CUBN: variants seen among roughly 807,000 people sequenced by gnomAD.
CUBN encodes 460 kDa receptor.
Under a neutral mutation model 405.3 loss-of-function variants are expected in CUBN, and 282 were observed. The observed-to-expected ratio is 0.70, with a 90% CI of 0.63 to 0.77. The LOEUF (loss-of-function observed/expected upper bound fraction) is 0.77. CUBN is among the 30% of genes least tolerant of loss of function. The pLI, the probability that CUBN is intolerant of heterozygous loss-of-function variation, is 0.00. For missense variants in CUBN, 4,514 were observed against 4,475.2 expected, an observed-to-expected ratio of 1.01 and a Z score of -0.25; for synonymous variants, 1,684 against 1,617.0, an observed-to-expected ratio of 1.04 and a Z score of -0.99.
At chr10:16,884,518 T>A (rs1840756835) in intron 56 of CUBN, among the ~76,000 whole-genome samples, 1 of 152,088 alleles carries the variant, frequency 6.6e-6, no homozygotes, top group Admixed American at 6.5e-5. Context: ...GATTCCAAAA[T>A]GAGGACAAAC....
In CUBN at chr10:17,019,816, A is replaced by G. The variant is rs755981120; in HGVS notation, c.4168+17T>C. ...AATAGCAACTGCAAATACAACTGAGATCAGCACCTGGCTTACCGTAAACAA... is the reference window on the plus strand; with the variant it reads ...AATAGCAACTGCAAATACAACTGAGGTCAGCACCTGGCTTACCGTAAACAA... On this transcript the variant is annotated intron_variant, in intron 28 of 66. Transcript: ENST00000377833. 1.1e-5 allele frequency: 17 copies of G among 1,613,948 alleles called. No homozygotes were observed. The African/African-American group carries it at 2.3e-4, about 22-fold the overall frequency.
intron 56 of CUBN, among the ~76,000 whole-genome samples, chr10:16,879,267 C>T (rs1043043888): frequency 2.0e-5 from 3 of 152,188 alleles, no homozygotes; most frequent in Admixed American, 6.5e-5. Context: ...CTGGTGCATG[C>T]GAAACGAAAC....
chr10:17,048,568 C>T (rs140460846), intron 22 of CUBN, among the ~76,000 whole-genome samples: 1 of 152,038 alleles, frequency 6.6e-6, no homozygotes, highest in South Asian at 2.1e-4. Context: ...ACCTCTGCCC[C>T]CCGAGTTCAA....
chr10:17,064,532 G>A (rs576692542), intron 22 of CUBN, among the ~76,000 whole-genome samples: 10 of 152,234 alleles, frequency 6.6e-5, no homozygotes, highest in East Asian at 1.9e-4. Context: ...ATCCCAAAGC[G>A]GAGAAATGCT....
In CUBN at chr10:16,939,151, G is replaced by A; in HGVS notation, c.5549-4C>T. 1 of 1,611,626 alleles carries A rather than the reference G, an allele frequency of 6.2e-7. No homozygotes were observed. The highest frequency in any genetic ancestry group is 2.2e-5 in the East Asian group (1 of 44,842). ...ACAATATTATCATTGCCAAATACTA[G>A]GAGGGAAGACAGAGTAGTAAATCAG... is the stretch of plus-strand genomic sequence containing the variant. On this transcript the variant is annotated splice_region_variant and splice_polypyrimidine_tract_variant and intron_variant, in intron 37 of 66. Transcript: ENST00000377833.
At chr10:16,874,143 G>C (rs1307344701) in intron 58 of CUBN, among the ~76,000 whole-genome samples, 1 of 152,088 alleles carries the variant, frequency 6.6e-6, no homozygotes, top group Middle Eastern at 3.2e-3. Flanking sequence ...AAACTATAAC[G>C]ACTGTTTTAA....
intron 59 of CUBN, among the ~76,000 whole-genome samples, chr10:16,856,917 G>A (rs1839885529): frequency 6.6e-6 from 1 of 152,140 alleles, no homozygotes; most frequent in African/African-American, 2.4e-5. Context: ...CACCTAGACA[G>A]CTTCCTTTCT....
chr10:17,006,601 G>A (rs1588573842), intron 28 of CUBN, among the ~76,000 whole-genome samples: 1 of 152,140 alleles, frequency 6.6e-6, no homozygotes, highest in Non-Finnish European at 1.5e-5. Context: ...CTGGAGCAAA[G>A]ATCTAACTTT....
At chr10:16,858,236 G>A in intron 59 of CUBN, among the ~76,000 whole-genome samples, 1 of 152,188 alleles carries the variant, frequency 6.6e-6, no homozygotes, top group East Asian at 1.9e-4. Context: ...TCCCCAAATT[G>A]ATGGATAGAT....
Position 16,918,652 on chromosome 10 carries a change from G to T in CUBN, c.6970C>A (p.His2324Asn). The change falls in exon 45 of 67, where the codon CAT (histidine) becomes AAT (asparagine). Residue 2324 changes from histidine (H) to asparagine (N), a missense_variant. Physicochemically the swap from His to Asn is moderately conservative, Grantham distance 68. Coordinates refer to ENST00000377833, the MANE Select transcript of CUBN (RefSeq NM_001081.4). ...LRFRSDNSPT[H>N]VGFKAKYSIA... ...GAATACTTGGCCTTGAATCCCACAT[G>T]TGTGGGGCTGTTGTCAGATCGAAAT... 1.2e-6 allele frequency: 2 copies of T among 1,613,768 alleles called. No homozygotes were observed.
At chr10:16,942,750 A>G (rs1469117279) in intron 36 of CUBN, among the ~76,000 whole-genome samples, 3 of 151,716 alleles carry the variant, frequency 2.0e-5, no homozygotes, top group Non-Finnish European at 4.4e-5. Context: ...AAATGAAAGC[A>G]TGAACAAACA....
rs567727489 is a variant in CUBN, at chr10:17,071,722, A to AT, written c.2446+104dup. 9.5e-4 allele frequency: 1,423 copies of AT among 1,493,230 alleles called. 12 individuals are homozygous for AT. In the African/African-American group the frequency reaches 0.017, roughly 17 times the overall value. 92.5% of individuals were successfully genotyped at this position (1,493,230 alleles called of 1,614,324 possible). On this transcript the variant is annotated intron_variant, in intron 18 of 66. Transcript: ENST00000377833. ...CCGAATATAACATTTCTATGAGAAT[A>AT]TTTTCCACTTAACACTTGAGGACAT...
chr10:16,962,727 G>C (rs768597003), intron 31 of CUBN, among the ~76,000 whole-genome samples: 1 of 152,100 alleles, frequency 6.6e-6, no homozygotes, highest in African/African-American at 2.4e-5. Flanking sequence ...GAGATACTCC[G>C]TGGAGAGGCC....
intron 17 of CUBN, among the ~76,000 whole-genome samples, chr10:17,081,687 A>G (rs1835972266): frequency 6.6e-6 from 1 of 152,190 alleles, no homozygotes; most frequent in African/African-American, 2.4e-5. Flanking sequence ...AAATTTTCCC[A>G]ATGGATAGAG....
At position 16,884,080 on chromosome 10, in the gene CUBN, C is replaced by T. The variant is rs376236919; in HGVS notation, c.8905+4337G>A. On this transcript the variant is annotated intron_variant, in intron 56 of 66. Transcript: ENST00000377833. ...CTGCAAGCTCCGCCTCCCGGGTTCA[C>T]GCCATTCTCCTGCTTCAGCTTCCCG... Among the ~76,000 whole-genome samples, 27 of 152,240 alleles carry T rather than the reference C, an allele frequency of 1.8e-4. No homozygotes were observed. In the East Asian group the frequency reaches 2.9e-3, roughly 16 times the overall value.
intron 31 of CUBN, among the ~76,000 whole-genome samples, chr10:16,981,589 G>A (rs997636003): frequency 2.3e-4 from 35 of 152,254 alleles, no homozygotes; most frequent in African/African-American, 7.2e-4. Flanking sequence ...CACCCTCTCC[G>A]AGATGGCAGA....
chr10:16,928,532 CT>C (rs35335421), intron 40 of CUBN, among the ~76,000 whole-genome samples: 110 of 107,072 alleles, frequency 1.0e-3, no homozygotes, highest in Middle Eastern at 5.1e-3. Flanking sequence ...CCACCCCCCC[CT>C]TTTTTTTTTT....
intron 39 of CUBN, among the ~76,000 whole-genome samples, chr10:16,934,018 T>A (rs1842430393): frequency 6.6e-6 from 1 of 152,166 alleles, no homozygotes; most frequent in Non-Finnish European, 1.5e-5. Flanking sequence ...GTTGCTGAAC[T>A]GGAATAATGG....
intron 59 of CUBN, among the ~76,000 whole-genome samples, chr10:16,856,596 G>C (rs563415933): frequency 1.3e-5 from 2 of 152,176 alleles, no homozygotes; most frequent in Non-Finnish European, 2.9e-5. Flanking sequence ...CATCTCGAAG[G>C]CTTCAGTGGA....
Sources: allele counts gnomAD v4.1 joint callset (sites outside exome capture counted in the v4.1 genomes callset), GRCh38; gene constraint gnomAD v4.1.1; transcripts MANE v1.5; gene names NCBI Gene and HGNC (gene_info 2026-07-23, HGNC 2026-07-21).